NFATC4: variants seen among roughly 807,000 people sequenced by gnomAD.
NFATC4 encodes nuclear factor of activated T-cells, cytoplasmic 4.
NFATC4 carries 25 observed loss-of-function variants against 73.4 expected under a neutral mutation model. The ratio of observed to expected loss-of-function variants is 0.34; its 90% confidence interval spans 0.25 to 0.48. The LOEUF (loss-of-function observed/expected upper bound fraction) is 0.48, where lower values mean the gene tolerates loss of function less well. Ranked by LOEUF, NFATC4 falls within the 20% of genes least tolerant of loss-of-function variation. The pLI is 0.99. For missense variants in NFATC4, 1,130 were observed against 1,203.7 expected (o/e 0.94, Z 0.91); for synonymous variants, 523 against 510.3 (o/e 1.02, Z -0.34).
Position 24,376,408 on chromosome 14 carries a change from C to G in NFATC4, c.2171C>G (p.Ser724Cys), listed in dbSNP as rs1370853086. Residue 724 changes from serine to cysteine, a missense_variant, in exon 9 of 10, where the codon TCC becomes TGC. Physicochemically the swap from Ser to Cys is moderately radical, Grantham distance 112. Coordinates refer to ENST00000250373, the MANE Select transcript of NFATC4 (RefSeq NM_004554.5). The surrounding 1 kb of genome is among the most constrained non-coding windows in gnomAD (Gnocchi z 5.0). The stretch of plus-strand genomic sequence containing the variant: ...TCACCACCCAGGCCCCCCTACCCCT[C>G]CTATCCCCATGAAGACCCTGCTTGC... ...DFSPPRPPYP[S>C]YPHEDPACET... 6.2e-7 allele frequency: 1 copy of G among 1,613,734 alleles called. No individual in the cohort carries two copies. The highest frequency in any genetic ancestry group is 1.7e-5 in the Admixed American group (1 of 59,976).
chr14:24,373,484 AGCTGGCTTCAG>A lies in NFATC4; in HGVS notation c.1559+117_1559+127del, dbSNP rs1307740559. ...AGAAGAGGTAGACATTTTTCCTAGG[AGCTGGCTTCAG>A]GCCTACCCACCATCTGGAAGAGGAC... On this transcript the variant is annotated intron_variant, in intron 4 of 9. Coordinates refer to ENST00000250373, the MANE Select transcript of NFATC4 (RefSeq NM_004554.5). The surrounding 1 kb of genome is among the most constrained non-coding windows in gnomAD (Gnocchi z 4.7). The A allele has an allele frequency of 5.0e-6, 7 of 1,407,638 alleles. No homozygotes were observed. Among genetic ancestry groups the A allele is most frequent in the Non-Finnish European group, 6.8e-6 (7 of 1,029,340 alleles). 87.2% of individuals were successfully genotyped at this position (1,407,638 alleles called of 1,614,324 possible).
At chr14:24,374,131 C>T (rs2042549062) in intron 5 of NFATC4, 195 bp from the exon 6 acceptor site, 1 of 898,766 alleles carries the variant, frequency 1.1e-6, no homozygotes, top group East Asian at 2.6e-5. Flanking sequence ...CCCTGTTTAA[C>T]CCTCTCTCTG....
In NFATC4 at chr14:24,374,887, G is replaced by T. The variant is rs181334912; in HGVS notation, c.1873+421G>T. Among the ~76,000 whole-genome samples, 378 of 152,230 alleles carry T rather than the reference G, an allele frequency of 2.5e-3. 3 individuals are homozygous for T. Among genetic ancestry groups the T allele is most frequent in the African/African-American group, 8.7e-3 (360 of 41,542 alleles). On this transcript the variant is annotated intron_variant, in intron 6 of 9. Transcript: ENST00000250373. ...GGAGTGGAGGAAGGGAAGACTGAGG[G>T]TTTGAGTTGCCAGCACCAACCTGAG...
Position 24,374,434 on chromosome 14 carries a change from A to G in NFATC4, c.1841A>G (p.Asp614Gly). Residue 614 changes from aspartate to glycine, a missense_variant, in exon 6 of 10, where the codon GAC (aspartate) becomes GGC (glycine). Around this residue, in one of 3 missense-constraint regions of NFATC4, gnomAD observed 390 missense variants for 408.1 expected, o/e 0.96. Coordinates refer to ENST00000250373, the MANE Select transcript of NFATC4 (RefSeq NM_004554.5). Reference protein sequence around the residue: ...LVLTGSNFLPDSKVVFIERGP... With the variant: ...LVLTGSNFLPGSKVVFIERGP... ...CTGACTGGCTCCAACTTCCTGCCAGACTCCAAGGTGGTGTTCATTGAGAGG... is the reference window on the plus strand; with the variant it reads ...CTGACTGGCTCCAACTTCCTGCCAGGCTCCAAGGTGGTGTTCATTGAGAGG... 6.2e-7 allele frequency: 1 copy of G among 1,613,670 alleles called. No individual in the cohort carries two copies. The highest frequency in any genetic ancestry group is 2.2e-5 in the East Asian group (1 of 44,870).
chr14:24,370,679 A>T (rs1302299579), intron 2 of NFATC4, 85 bp downstream of exon 2: 1 of 1,494,102 alleles, frequency 6.7e-7, no homozygotes, highest in Non-Finnish European at 9.0e-7. Context: ...TGAAGACACT[A>T]GTTTCATGCC....
In NFATC4 at chr14:24,370,453, G is replaced by C. The variant is rs1327111065; in HGVS notation, c.1055G>C (p.Gly352Ala). ...TCTGAGGAGCCTGCCTCATGCAATG[G>C]GAAGCTGCCCTTGGGAGCAGAGGAG... ...PRSEEPASCN[G>A]KLPLGAEESV... The change falls in exon 2 of 10, where the codon GGG becomes GCG. Residue 352 changes from glycine to alanine, a missense_variant. This residue lies in a region of NFATC4 where 585 missense variants were observed against 574.3 expected (regional missense o/e 1.02). Coordinates refer to ENST00000250373, the MANE Select transcript of NFATC4 (RefSeq NM_004554.5). The C allele has an allele frequency of 6.2e-7, 1 of 1,614,158 alleles. No homozygotes were observed. The highest frequency in any genetic ancestry group is 8.5e-7 in the Non-Finnish European group (1 of 1,180,024).
At position 24,373,213 on chromosome 14, in the gene NFATC4, A is replaced by G; in HGVS notation, c.1402A>G (p.Ile468Val). 6.2e-7 allele frequency: 1 copy of G among 1,614,200 alleles called. No individual in the cohort carries two copies. Among genetic ancestry groups the G allele is most frequent in the Non-Finnish European group, 8.5e-7 (1 of 1,180,046 alleles). ...SEKPLTLQMF[I>V]GTADERNLRP... ...GAAGCCACTGACCCTACAGATGTTC[A>G]TCGGCACTGCAGATGAAAGGAACCT... is the stretch of plus-strand genomic sequence containing the variant. The change falls in exon 4 of 10, where the codon ATC becomes GTC. Residue 468 changes from isoleucine to valine, a missense_variant. By Grantham distance (29) the Ile-to-Val change is conservative. Transcript: ENST00000250373. This position sits in a 1 kb window ranked among gnomAD's most constrained non-coding sequence, Gnocchi z 4.7.
At position 24,376,391 on chromosome 14, in the gene NFATC4, C is replaced by T; in HGVS notation, c.2154C>T (p.Pro718=). ...PFGTDMDFSP[P]RPPYPSYPHE... ...GCACTGACATGGACTTCTCACCACCCAGGCCCCCCTACCCCTCCTATCCCC... is the reference window on the plus strand; with the variant it reads ...GCACTGACATGGACTTCTCACCACCTAGGCCCCCCTACCCCTCCTATCCCC... Residue 718 remains proline, a synonymous_variant, in exon 9 of 10, where the codon CCC becomes CCT. Transcript: ENST00000250373. This position sits in a 1 kb window ranked among gnomAD's most constrained non-coding sequence, Gnocchi z 5.0. 6.2e-7 allele frequency: 1 copy of T among 1,613,414 alleles called. No individual in the cohort carries two copies. The highest frequency in any genetic ancestry group is 8.5e-7 in the Non-Finnish European group (1 of 1,179,610).
intron 6 of NFATC4, among the ~76,000 whole-genome samples, chr14:24,375,354 G>A (rs1314839908): frequency 6.6e-6 from 1 of 152,156 alleles, no homozygotes; most frequent in Non-Finnish European, 1.5e-5. Flanking sequence ...ATTATCATGG[G>A]AAAGGATGTT....
In NFATC4 at chr14:24,373,151, C is replaced by T; in HGVS notation, c.1360-20C>T. 1.9e-6 allele frequency: 3 copies of T among 1,611,120 alleles called. No homozygotes were observed. Among genetic ancestry groups the T allele is most frequent in the Non-Finnish European group, 2.5e-6 (3 of 1,177,708 alleles). On this transcript the variant is annotated intron_variant, in intron 3 of 9. Transcript: ENST00000250373. The surrounding 1 kb of genome is among the most constrained non-coding windows in gnomAD (Gnocchi z 4.7). Reference sequence around the variant, plus strand: ...GACGGTGGGGATTTCAATGAGGTGGCCGCTCTCTCCCTCTGCCAGCTCCTA... The same window carrying T: ...GACGGTGGGGATTTCAATGAGGTGGTCGCTCTCTCCCTCTGCCAGCTCCTA...
Position 24,370,354 on chromosome 14 carries a change from G to A in NFATC4, c.956G>A (p.Gly319Glu), listed in dbSNP as rs775453007. The A allele has an allele frequency of 1.2e-6, 2 of 1,613,740 alleles. No homozygotes were observed. The highest frequency in any genetic ancestry group is 1.1e-5 in the South Asian group (1 of 91,082). The change falls in exon 2 of 10, where the codon GGG becomes GAG. Residue 319 changes from glycine to glutamate, a missense_variant. Physicochemically the swap from Gly to Glu is moderately conservative, Grantham distance 98. Around this residue, in one of 3 missense-constraint regions of NFATC4, gnomAD observed 585 missense variants for 574.3 expected, o/e 1.02. Coordinates refer to ENST00000250373, the MANE Select transcript of NFATC4 (RefSeq NM_004554.5). ...PGSPGPFDYVGAPPAESIPQK... is the reference protein window; with the variant it reads ...PGSPGPFDYVEAPPAESIPQK... ...TCCCCTGGTCCCTTTGACTATGTGG[G>A]GGCCCCACCAGCTGAGAGCATCCCT...
chr14:24,367,206 C>A, upstream of NFATC4: 1 of 1,613,938 alleles, frequency 6.2e-7, no homozygotes, highest in Non-Finnish European at 8.5e-7. Context: ...CCTTCCTCCT[C>A]CAGCCCAGGT....
chr14:24,368,063 G>C, upstream of NFATC4: 1 of 1,135,744 alleles, frequency 8.8e-7, no homozygotes, highest in Non-Finnish European at 1.1e-6. Context: ...GACGAGGGGC[G>C]CGTGGTTTTC....
At position 24,373,571 on chromosome 14, in the gene NFATC4, C is replaced by A. The variant is rs1594712839; in HGVS notation, c.1560-124C>A. 1 of 1,440,946 alleles carries A rather than the reference C, an allele frequency of 6.9e-7. No homozygotes were observed. Among genetic ancestry groups the A allele is most frequent in the Non-Finnish European group, 9.4e-7 (1 of 1,064,722 alleles). 89.3% of individuals were successfully genotyped at this position (1,440,946 alleles called of 1,614,324 possible). A position where few individuals can be genotyped will look rare whatever the true frequency, so the allele number is the denominator to read the frequency against. On this transcript the variant is annotated intron_variant, in intron 4 of 9. Transcript: ENST00000250373. This position sits in a 1 kb window ranked among gnomAD's most constrained non-coding sequence, Gnocchi z 4.7. ...AGGCCATCTCTGGGTTAGAAAATAG[C>A]CTCCTAGGCACTCATCGAAAGTCAT...
In NFATC4 at chr14:24,376,150, G is replaced by A; in HGVS notation, c.2056+49G>A. On this transcript the variant is annotated intron_variant, in intron 8 of 9. Coordinates refer to ENST00000250373, the MANE Select transcript of NFATC4 (RefSeq NM_004554.5). The surrounding 1 kb of genome is among the most constrained non-coding windows in gnomAD (Gnocchi z 5.0). Reference sequence around the variant, plus strand: ...TGGGGGTATAGGGATATGGGGAGCTGGAGCAGGAGCAGAGGGAAGCAGTAC... The same window carrying A: ...TGGGGGTATAGGGATATGGGGAGCTAGAGCAGGAGCAGAGGGAAGCAGTAC... The A allele has an allele frequency of 6.2e-7, 1 of 1,612,406 alleles. No individual in the cohort carries two copies. Among genetic ancestry groups the A allele is most frequent in the Non-Finnish European group, 8.5e-7 (1 of 1,178,948 alleles).
intron 1 of NFATC4, chr14:24,369,196 C>T (rs1200600058): frequency 3.3e-6 from 5 of 1,518,986 alleles, no homozygotes; most frequent in Admixed American, 4.1e-5. Flanking sequence ...TCAAGAAACA[C>T]GCCTCCAGGC....
rs757058032 is a variant in NFATC4, at chr14:24,372,597, A to C, written c.1353A>C (p.Val451=). The part of the protein sequence containing the change: ...AVKAAPGGHP[V]VKLLGYSEKP... Reference sequence around the variant, plus strand: ...AAGCTGCCCCTGGCGGTCACCCCGTAGTCAAGGTAAAGGACAGACAGCAGG... The same window carrying C: ...AAGCTGCCCCTGGCGGTCACCCCGTCGTCAAGGTAAAGGACAGACAGCAGG... The change falls in exon 3 of 10, where the codon GTA becomes GTC. Residue 451 remains valine (V), a synonymous_variant. Coordinates refer to ENST00000250373, the MANE Select transcript of NFATC4 (RefSeq NM_004554.5). The C allele has an allele frequency of 4.3e-6, 7 of 1,613,844 alleles. No individual in the cohort carries two copies. Among genetic ancestry groups the C allele is most frequent in the Non-Finnish European group, 5.9e-6 (7 of 1,180,044 alleles).
rs768957495 is a variant in NFATC4 at position 24,370,315 on chromosome 14, C to T, written c.917C>T (p.Ala306Val). 6.2e-7 allele frequency: 1 copy of T among 1,611,342 alleles called. No homozygotes were observed. Among genetic ancestry groups the T allele is most frequent in the Non-Finnish European group, 8.5e-7 (1 of 1,178,182 alleles). ...CCTCCACCACCCCCATTGCCTCTGG[C>T]CCGGGACCCGGGCTCCCCTGGTCCC... ...EPPPPPPLPL[A>V]RDPGSPGPFD... The change falls in exon 2 of 10, where the codon GCC (alanine) becomes GTC (valine). Residue 306 changes from alanine (A) to valine (V), a missense_variant. Transcript: ENST00000250373.
Position 24,376,715 on chromosome 14 carries a change from C to G in NFATC4, c.2478C>G (p.Phe826Leu). 1 of 1,613,970 alleles carries G rather than the reference C, an allele frequency of 6.2e-7. No homozygotes were observed. The highest frequency in any genetic ancestry group is 8.5e-7 in the Non-Finnish European group (1 of 1,179,986). The change falls in exon 9 of 10, where the codon TTC (phenylalanine) becomes TTG (leucine). Residue 826 changes from phenylalanine to leucine, a missense_variant. Phe to Leu is a conservative substitution (Grantham distance 22). Transcript: ENST00000250373. The surrounding 1 kb of genome is among the most constrained non-coding windows in gnomAD (Gnocchi z 5.0). The stretch of plus-strand genomic sequence containing the variant: ...CATCCCCACCGCTTGAAGGCCCCTT[C>G]CCTTCCCAGAGTGATGTGCATCCCC... ...LPASPPLEGP[F>L]PSQSDVHPLP... is the part of the protein sequence containing the mutation.
Sources: allele counts gnomAD v4.1 joint callset (sites outside exome capture counted in the v4.1 genomes callset), GRCh38; gene constraint gnomAD v4.1.1; regional missense constraint gnomAD v4.1.1; non-coding constraint Gnocchi (gnomAD v3.1); transcripts MANE v1.5; gene names NCBI Gene and HGNC (gene_info 2026-07-23, HGNC 2026-07-21).